The following NFE2L2 variants were observed in gnomAD, a reference collection of about 807,000 sequenced individuals.
NFE2L2 encodes nuclear factor erythroid 2-related factor 2.
In NFE2L2, 20 loss-of-function variants were observed where a neutral mutation model predicts 49.6. That is an observed-to-expected ratio of 0.40 (90% CI 0.28 to 0.59). The LOEUF is 0.59. Among genes scored for constraint, NFE2L2 ranks in the 20% least tolerant of loss-of-function variants. The pLI, the probability that NFE2L2 is intolerant of heterozygous loss-of-function variation, is 0.40. For missense variants in NFE2L2, 578 were observed against 714.2 expected (o/e 0.81, Z 2.17); for synonymous variants, 244 against 256.5 (o/e 0.95, Z 0.47).
At chr2:177,238,511 T>C (rs1171134165) in intron 1 of NFE2L2, among the ~76,000 whole-genome samples, 5 of 152,232 alleles carry the variant, frequency 3.3e-5, no homozygotes, top group Non-Finnish European at 4.4e-5. Flanking sequence ...ATACAGATGT[T>C]AGTGGATCAA....
At chr2:177,262,618 G>C (rs1401896197) in intron 1 of NFE2L2, among the ~76,000 whole-genome samples, 1 of 152,130 alleles carries the variant, frequency 6.6e-6, no homozygotes, top group Non-Finnish European at 1.5e-5. Context: ...GATTACAAAG[G>C]TAGAAAAGCA....
intron 1 of NFE2L2, chr2:177,263,507 G>A: frequency 1.0e-6 from 1 of 985,498 alleles, no homozygotes; most frequent in Non-Finnish European, 1.2e-6. Flanking sequence ...TAGCAATTGC[G>A]CAACAGATCA....
chr2:177,244,216 G>A lies in NFE2L2; in HGVS notation c.46-9945C>T, dbSNP rs922645774. On this transcript the variant is annotated intron_variant, in intron 1 of 4. Transcript: ENST00000397062. The stretch of plus-strand genomic sequence containing the variant: ...CTCGGGAGGCTGAGGCAGGAGAATC[G>A]CTTGAACCCGGGGAGGCAGAGGTTG... Among the ~76,000 whole-genome samples the A allele has an allele frequency of 7.9e-5, 12 of 151,580 alleles. No individual in the cohort carries two copies. The South Asian group carries it at 8.3e-4, about 11-fold the overall frequency.
At chr2:177,240,603 T>G (rs1175769260) in intron 1 of NFE2L2, among the ~76,000 whole-genome samples, 2 of 152,212 alleles carry the variant, frequency 1.3e-5, no homozygotes, top group Non-Finnish European at 2.9e-5. Flanking sequence ...CCATCTGGCC[T>G]AACAGAAATA....
At chr2:177,246,869 AT>A (rs1446374611) in intron 1 of NFE2L2, among the ~76,000 whole-genome samples, 2 of 138,246 alleles carry the variant, frequency 1.4e-5, no homozygotes, top group Non-Finnish European at 3.0e-5. Context: ...AGGTGCTGGG[AT>A]TACAGGCGTG....
intron 1 of NFE2L2, among the ~76,000 whole-genome samples, chr2:177,242,012 A>C (rs1217622139): frequency 6.6e-6 from 1 of 152,218 alleles, no homozygotes; most frequent in Non-Finnish European, 1.5e-5. Flanking sequence ...CTGCCTATTT[A>C]CTTCTCTGGC....
intron 1 of NFE2L2, among the ~76,000 whole-genome samples, chr2:177,241,113 A>G (rs1010074046): frequency 6.6e-6 from 1 of 152,208 alleles, no homozygotes; most frequent in African/African-American, 2.4e-5. Context: ...ACACACTACT[A>G]ACTCTCAACA....
intron 1 of NFE2L2, among the ~76,000 whole-genome samples, chr2:177,250,014 G>A (rs981295280): frequency 2.0e-5 from 3 of 152,150 alleles, no homozygotes; most frequent in African/African-American, 4.8e-5. Context: ...AAGATACACT[G>A]AAATCAATGG....
chr2:177,239,461 G>A (rs1182072727), intron 1 of NFE2L2, among the ~76,000 whole-genome samples: 1 of 152,190 alleles, frequency 6.6e-6, no homozygotes, highest in Non-Finnish European at 1.5e-5. Context: ...CAGATCGCTT[G>A]TGCTCAGGAG....
chr2:177,238,360 T>A (rs529091630), intron 1 of NFE2L2, among the ~76,000 whole-genome samples: 2 of 152,360 alleles, frequency 1.3e-5, no homozygotes, highest in African/African-American at 4.8e-5. Flanking sequence ...GAATTTATAA[T>A]TGTCAGTGTC....
chr2:177,264,005 T>C, intron 1 of NFE2L2: 1 of 952,550 alleles, frequency 1.0e-6, no homozygotes, highest in Non-Finnish European at 1.2e-6. Context: ...AAGGAGGTCT[T>C]GGGGCGCGGC....
At position 177,264,667 on chromosome 2, in the gene NFE2L2, G is replaced by T. The variant is rs913306494; in HGVS notation, c.-91C>A. ...CGCGGACAGGGCGGCTCTGGTGGCG[G>T]CGGCGGCGGCGGTGGCGGCTGCGTC... On this transcript the variant is annotated 5_prime_UTR_variant, in exon 1 of 5. Transcript: ENST00000397062. 97 of 1,164,480 alleles carry T rather than the reference G, an allele frequency of 8.3e-5. No homozygotes were observed. In the Middle Eastern group the frequency reaches 8.5e-4, roughly 10 times the overall value. The allele number at this position is 1,164,480 out of a possible 1,614,324, so 72.1% of individuals were successfully genotyped here. A position where few individuals can be genotyped will look rare whatever the true frequency, so the allele number is the denominator to read the frequency against.
intron 1 of NFE2L2, among the ~76,000 whole-genome samples, chr2:177,253,079 C>A (rs1407933497): frequency 1.3e-5 from 2 of 152,234 alleles, no homozygotes; most frequent in African/African-American, 4.8e-5. Flanking sequence ...GCCCAATAGT[C>A]TGTCATAGTC....
intron 2 of NFE2L2, chr2:177,233,546 C>A (rs1408181074): frequency 1.8e-6 from 1 of 556,392 alleles, no homozygotes; most frequent in Non-Finnish European, 3.1e-6. Flanking sequence ...GTGATCTGGG[C>A]AAATTATTTA....
At position 177,231,387 on chromosome 2, in the gene NFE2L2, G is replaced by A. The variant is rs186171287; in HGVS notation, c.1216C>T (p.Pro406Ser). Residue 406 changes from proline (P) to serine (S), a missense_variant, in exon 5 of 5, where the codon CCC becomes TCC. By Grantham distance (74) the Pro-to-Ser change is moderately conservative. Coordinates refer to ENST00000397062, the MANE Select transcript of NFE2L2 (RefSeq NM_006164.5). Reference protein sequence around the residue: ...PVHSSGDMVQPLSPSQGQSTH... With the variant: ...PVHSSGDMVQSLSPSQGQSTH... ...CTCTGCCCCTGAGATGGTGACAAGG[G>A]TTGTACCATATCCCCAGAAGAATGT... is the stretch of plus-strand genomic sequence containing the variant. 1.9e-6 allele frequency: 3 copies of A among 1,614,248 alleles called. No homozygotes were observed. The highest frequency in any genetic ancestry group is 4.5e-5 in the East Asian group (2 of 44,884).
chr2:177,236,878 C>G (rs1306176110), intron 1 of NFE2L2, among the ~76,000 whole-genome samples: 2 of 151,454 alleles, frequency 1.3e-5, no homozygotes, highest in Admixed American at 1.3e-4. Context: ...TATTTATTTA[C>G]TCATTTTGAG....
At chr2:177,259,900 C>A (rs557955105) in intron 1 of NFE2L2, among the ~76,000 whole-genome samples, 1 of 152,194 alleles carries the variant, frequency 6.6e-6, no homozygotes, top group East Asian at 1.9e-4. Context: ...CCACTGCACT[C>A]CAGCCTGGGC....
intron 3 of NFE2L2, chr2:177,233,022 ATGGTTT>A (rs559799140): frequency 8.6e-4 from 444 of 519,258 alleles, no homozygotes; most frequent in Non-Finnish European, 1.3e-3. Context: ...GCAATAGTCA[ATGGTTT>A]TGGTTTTGTA....
At chr2:177,253,841 A>C (rs994800830) in intron 1 of NFE2L2, among the ~76,000 whole-genome samples, 5 of 152,256 alleles carry the variant, frequency 3.3e-5, no homozygotes, top group Non-Finnish European at 7.3e-5. Context: ...GTAAGAGAAC[A>C]AATGTGATAA....
Sources: gnomAD v4.1 joint callset for allele counts (sites outside exome capture counted in the v4.1 genomes callset) on GRCh38, gnomAD v4.1.1 for gene constraint, MANE v1.5 for transcripts, NCBI Gene and HGNC (gene_info 2026-07-23, HGNC 2026-07-21) for gene names.